The following TMED3 variants were observed in gnomAD, a reference collection of about 807,000 sequenced individuals.
TMED3 encodes transmembrane p24 trafficking protein 3.
In TMED3, 9 loss-of-function variants were observed where a neutral mutation model predicts 15.0. The ratio of observed to expected loss-of-function variants is 0.60; its 90% confidence interval spans 0.36 to 1.04. TMED3 has a LOEUF of 1.04. Among genes scored for constraint, TMED3 ranks in the 50% least tolerant of loss-of-function variants. The pLI is 0.01. For missense variants in TMED3, 267 were observed against 278.9 expected, an observed-to-expected ratio of 0.96 and a Z score of 0.30; for synonymous variants, 117 against 121.4, an observed-to-expected ratio of 0.96 and a Z score of 0.24.
intron 2 of TMED3, among the ~76,000 whole-genome samples, chr15:79,362,165 A>G (rs958587964): frequency 2.6e-5 from 4 of 152,052 alleles, no homozygotes; most frequent in Non-Finnish European, 5.9e-5. Context: ...ACTTAACCAA[A>G]CTATGTATAA....
chr15:79,325,031 T>C (rs1453200559), downstream of TMED3, among the ~76,000 whole-genome samples: 2 of 152,128 alleles, frequency 1.3e-5, no homozygotes, highest in Non-Finnish European at 2.9e-5. Flanking sequence ...CCCTTTAAAT[T>C]TGAGGCCTGG....
chr15:79,313,351 G>A (rs2058725453), intron 1 of TMED3, among the ~76,000 whole-genome samples: 1 of 152,128 alleles, frequency 6.6e-6, no homozygotes, highest in African/African-American at 2.4e-5. Flanking sequence ...TCAGAATAGT[G>A]CAATAGGTAA....
chr15:79,339,180 G>A (rs1294831523), intron 2 of TMED3, among the ~76,000 whole-genome samples: 1 of 152,120 alleles, frequency 6.6e-6, no homozygotes, highest in African/African-American at 2.4e-5. Context: ...CTCTCTCTCT[G>A]CCTCAGCTGC....
chr15:79,365,244 G>T (rs1893209744), intron 2 of TMED3, among the ~76,000 whole-genome samples: 1 of 152,242 alleles, frequency 6.6e-6, no homozygotes, highest in South Asian at 2.1e-4. Context: ...CAGGTCATAG[G>T]TGAATTCAGA....
Position 79,336,120 on chromosome 15 carries a change from G to A in TMED3, c.417+22115G>A, listed in dbSNP as rs117554690. 8.1e-4 allele frequency among the ~76,000 whole-genome samples: 123 copies of A among 152,270 alleles called. 1 individual carries two copies. The East Asian group carries it at 0.021, about 26-fold the overall frequency. On this transcript the variant is annotated intron_variant, in intron 2 of 2. Coordinates refer to the TMED3 transcript ENST00000424155. ...ATTCCTGATGAAAAATTTTGATAAA[G>A]GAATAATTGGTCAGGGATAAGGGTG... is the stretch of plus-strand genomic sequence containing the variant.
chr15:79,400,887 A>G (rs1175537408), intron 2 of TMED3, among the ~76,000 whole-genome samples: 2 of 152,210 alleles, frequency 1.3e-5, no homozygotes, highest in Non-Finnish European at 2.9e-5. Context: ...TATCATGAGA[A>G]TGCGGCATAC....
intron 2 of TMED3, among the ~76,000 whole-genome samples, chr15:79,362,735 C>A (rs1437372389): frequency 6.6e-6 from 1 of 152,152 alleles, no homozygotes; most frequent in Admixed American, 6.5e-5. Context: ...TGCACATGCA[C>A]TCTTATCTCT....
downstream of TMED3, among the ~76,000 whole-genome samples, chr15:79,323,726 T>C (rs772832044): frequency 1.3e-5 from 2 of 152,204 alleles, no homozygotes; most frequent in Non-Finnish European, 2.9e-5. Context: ...ACAGCTTTAC[T>C]AAAACTCACG....
At chr15:79,340,146 C>T (rs1182695421) in intron 2 of TMED3, among the ~76,000 whole-genome samples, 2 of 152,136 alleles carry the variant, frequency 1.3e-5, no homozygotes, top group African/African-American at 4.8e-5. Flanking sequence ...ACTAGAAATA[C>T]TTGAATTTCA....
At chr15:79,337,641 C>G (rs1409323761) in intron 2 of TMED3, among the ~76,000 whole-genome samples, 1 of 152,114 alleles carries the variant, frequency 6.6e-6, no homozygotes, top group Admixed American at 6.6e-5. Context: ...TTCCTGATCT[C>G]TTTTATAAGA....
downstream of TMED3, among the ~76,000 whole-genome samples, chr15:79,323,633 TCTC>T (rs1270985121): frequency 2.0e-5 from 3 of 152,162 alleles, no homozygotes; most frequent in Non-Finnish European, 4.4e-5. Context: ...TACCTGCCCT[TCTC>T]CTTCACCCTC....
Position 79,322,272 on chromosome 15 carries a change from C to T in TMED3, c.*58C>T. 6.4e-7 allele frequency: 1 copy of T among 1,567,776 alleles called. No homozygotes were observed. ...CCAGGCTGGAGCAGCTCTCCTAGGTCACAGCCTGCTGGGCTGGGTCGCGTA... is the reference window on the plus strand; with the variant it reads ...CCAGGCTGGAGCAGCTCTCCTAGGTTACAGCCTGCTGGGCTGGGTCGCGTA... On this transcript the variant is annotated 3_prime_UTR_variant, in exon 3 of 3. Coordinates refer to ENST00000299705, the MANE Select transcript of TMED3 (RefSeq NM_007364.4).
At chr15:79,324,708 G>A (rs2058781075), downstream of TMED3, among the ~76,000 whole-genome samples, 1 of 152,148 alleles carries the variant, frequency 6.6e-6, no homozygotes, top group African/African-American at 2.4e-5. Flanking sequence ...GGATATTTAA[G>A]CAAAAGAAAT....
intron 1 of TMED3, among the ~76,000 whole-genome samples, chr15:79,312,344 A>G (rs1450261780): frequency 6.6e-6 from 1 of 152,210 alleles, no homozygotes. Flanking sequence ...TGTGGACAAC[A>G]TGCAAATTGT....
chr15:79,331,982 G>C (rs2058811058), intron 2 of TMED3, among the ~76,000 whole-genome samples: 1 of 152,208 alleles, frequency 6.6e-6, no homozygotes, highest in African/African-American at 2.4e-5. Flanking sequence ...GAACCTGGGA[G>C]ACGGAGGCTG....
intron 2 of TMED3, among the ~76,000 whole-genome samples, chr15:79,376,211 G>A (rs1251593791): frequency 6.8e-6 from 1 of 146,922 alleles, no homozygotes; most frequent in South Asian, 2.1e-4. Flanking sequence ...CCGGGTTCAC[G>A]CAAGAGAAAG....
At chr15:79,363,503 C>CA (rs10676974) in intron 2 of TMED3, among the ~76,000 whole-genome samples, 7,714 of 125,202 alleles carry the variant, frequency 0.062, 292 homozygotes, top group Admixed American at 0.094. Context: ...TACAATGACT[C>CA]AAAAAAAAAA....
At chr15:79,316,731 G>C (rs1164322798) in intron 2 of TMED3, among the ~76,000 whole-genome samples, 1 of 152,152 alleles carries the variant, frequency 6.6e-6, no homozygotes, top group African/African-American at 2.4e-5. Context: ...TGAGGCTCCA[G>C]GACACTGGAA....
intron 2 of TMED3, among the ~76,000 whole-genome samples, chr15:79,328,206 G>GTGCTCC (rs2058794186): frequency 3.9e-5 from 6 of 152,170 alleles, no homozygotes; most frequent in Non-Finnish European, 4.4e-5. Flanking sequence ...CCAGTGGGTT[G>GTGCTCC]TATGATATAG....
Sources: allele counts gnomAD v4.1 joint callset (sites outside exome capture counted in the v4.1 genomes callset), GRCh38; gene constraint gnomAD v4.1.1; transcripts MANE v1.5; gene names NCBI Gene and HGNC (gene_info 2026-07-23, HGNC 2026-07-21).